KIF7: variants seen among roughly 807,000 people sequenced by gnomAD.
KIF7 encodes the protein kinesin family member 7, also known as kinesin-like protein KIF7.
In KIF7, 104 loss-of-function variants were observed where a neutral mutation model predicts 135.7. The observed-to-expected ratio is 0.77, with a 90% CI of 0.65 to 0.90. The LOEUF (loss-of-function observed/expected upper bound fraction) is 0.90, where lower values mean the gene tolerates loss of function less well. Ranked by LOEUF, KIF7 falls within the 40% of genes least tolerant of loss-of-function variation. The pLI, the probability that KIF7 is intolerant of heterozygous loss-of-function variation, is 0.00. For missense variants in KIF7, 2,005 were observed against 1,839.1 expected (o/e 1.09, Z -1.65); for synonymous variants, 883 against 809.4 (o/e 1.09, Z -1.54).
At chr15:89,624,928 C>G (rs368620985), downstream of KIF7, 25 of 1,614,010 alleles carry the variant, frequency 1.5e-5, no homozygotes, top group Non-Finnish European at 1.9e-5. Context: ...TTCGGCACAA[C>G]TAGACAACCT....
rs1448515385 is a variant in KIF7 at position 89,648,624 on chromosome 15, C to T, written c.1074G>A (p.Arg358=). 2 of 1,534,786 alleles carry T rather than the reference C, an allele frequency of 1.3e-6. No individual in the cohort carries two copies. The highest frequency in any genetic ancestry group is 2.7e-5 in the African/African-American group (2 of 72,928). Residue 358 remains arginine (R), a synonymous_variant, in exon 5 of 19, where the codon CGG becomes CGA. Transcript: ENST00000394412. ...CTTCGGGTGGCCGCTCGGCCTCGGG[C>T]CGCCAGTTGACCGTGGCGCGGTTGC... ...NIRNRATVNW[R]PEAERPPEET...
upstream of KIF7, among the ~76,000 whole-genome samples, chr15:89,657,835 T>A (rs1964223004): frequency 6.6e-6 from 1 of 152,234 alleles, no homozygotes; most frequent in Non-Finnish European, 1.5e-5. Context: ...CTGATTTTAC[T>A]ACTTACATGG....
chr15:89,661,179 C>T, the KIF7 span, among the ~76,000 whole-genome samples: 1 of 152,210 alleles, frequency 6.6e-6, no homozygotes, highest in East Asian at 1.9e-4. Context: ...CATTCTAATG[C>T]AAATGACTGA....
Position 89,628,749 on chromosome 15 carries a change from CTG to C in KIF7, c.3700_3701del (p.Gln1234GlyfsTer5). 6.2e-7 allele frequency: 1 copy of C among 1,612,632 alleles called. No individual in the cohort carries two copies. The highest frequency in any genetic ancestry group is 8.5e-7 in the Non-Finnish European group (1 of 1,179,980). On this transcript the variant is annotated frameshift_variant, in exon 19 of 19. Transcript: ENST00000394412. LOFTEE classifies it low-confidence loss of function (END_TRUNC). Reference sequence around the variant, plus strand: ...GGAGCTCATCTTCATTTCCAGGAGCCTGTCTGCCCTCCGAGCACAGGCTCCTC... The same window carrying C: ...GGAGCTCATCTTCATTTCCAGGAGCCTCTGCCCTCCGAGCACAGGCTCCTC... ...EKRSLCSEGR[Q>X]APGNEDELHL...
At chr15:89,624,367 C>G, downstream of KIF7, 1 of 1,614,036 alleles carries the variant, frequency 6.2e-7, no homozygotes, top group Non-Finnish European at 8.5e-7. Context: ...AGCTGCATCT[C>G]TCTCCTGCCC....
chr15:89,655,595 G>A (rs1423255787), upstream of KIF7: 6 of 152,142 alleles, frequency 3.9e-5, no homozygotes, highest in African/African-American at 1.2e-4. Flanking sequence ...CAGGGCGGGC[G>A]GGGCCCGTGC....
At chr15:89,649,632 G>T in intron 3 of KIF7, 109 bp downstream of exon 3, 1 of 1,263,632 alleles carries the variant, frequency 7.9e-7, no homozygotes, top group Non-Finnish European at 1.1e-6. Context: ...CCCAGGGCTT[G>T]GGTTTTCCAT....
intron 11 of KIF7, among the ~76,000 whole-genome samples, chr15:89,641,565 G>A (rs1328112313): frequency 6.6e-6 from 1 of 152,302 alleles, no homozygotes; most frequent in South Asian, 2.1e-4. Flanking sequence ...ACTTTGGTAG[G>A]CCCAGGTGGG....
rs149883801 is a variant in KIF7 at position 89,628,712 on chromosome 15, C to T, written c.3739G>A (p.Glu1247Lys). ...GTGAGGGGGGACAGCCAGAGAAGCTCGGGTGCCAGGTGGAGCTCATCTTCA... is the reference window on the plus strand; with the variant it reads ...GTGAGGGGGGACAGCCAGAGAAGCTTGGGTGCCAGGTGGAGCTCATCTTCA... ...GNEDELHLAPELLWLSPLTEG... is the reference protein window; with the variant it reads ...GNEDELHLAPKLLWLSPLTEG... Residue 1247 changes from glutamate to lysine, a missense_variant, in exon 19 of 19, where the codon GAG (glutamate) becomes AAG (lysine). Transcript: ENST00000394412. 3.0e-5 allele frequency: 49 copies of T among 1,612,870 alleles called. No homozygotes were observed. Among genetic ancestry groups the T allele is most frequent in the East Asian group, 6.7e-5 (3 of 44,846 alleles).
rs1964040377 is a variant in KIF7 at position 89,647,688 on chromosome 15, G to C, written c.1468C>G (p.Leu490Val). 6.3e-7 allele frequency: 1 copy of C among 1,590,854 alleles called. No individual in the cohort carries two copies. Among genetic ancestry groups the C allele is most frequent in the South Asian group, 1.1e-5 (1 of 88,140 alleles). The change falls in exon 6 of 19, where the codon CTG becomes GTG. Residue 490 changes from leucine to valine, a missense_variant. Physicochemically the swap from Leu to Val is conservative, Grantham distance 32. Transcript: ENST00000394412. ...RKEDEGAQQL[L>V]TLQNQVARLE... is the part of the protein sequence containing the mutation. Reference sequence around the variant, plus strand: ...CGCGCCACCTGGTTCTGCAGGGTCAGCAGCTGCTGCGCCCCCTCATCCTCC... The same window carrying C: ...CGCGCCACCTGGTTCTGCAGGGTCACCAGCTGCTGCGCCCCCTCATCCTCC...
intron 11 of KIF7, among the ~76,000 whole-genome samples, chr15:89,636,155 C>A (rs577757179): frequency 6.6e-6 from 1 of 152,026 alleles, no homozygotes; most frequent in Non-Finnish European, 1.5e-5. Flanking sequence ...CCCAGGCCTG[C>A]CCTAAAAGAG....
chr15:89,625,133 C>A, downstream of KIF7: 1 of 1,613,910 alleles, frequency 6.2e-7, no homozygotes, highest in Non-Finnish European at 8.5e-7. Flanking sequence ...CTCAGCATGC[C>A]CAGGGCCAGC....
At position 89,645,887 on chromosome 15, in the gene KIF7, A is replaced by G. The variant is rs1334043252; in HGVS notation, c.1922+6T>C. 1 of 1,612,680 alleles carries G rather than the reference A, an allele frequency of 6.2e-7. No individual in the cohort carries two copies. Among genetic ancestry groups the G allele is most frequent in the African/African-American group, 1.3e-5 (1 of 74,822 alleles). On this transcript the variant is annotated splice_donor_region_variant and intron_variant, in intron 8 of 18. Coordinates refer to ENST00000394412, the MANE Select transcript of KIF7 (RefSeq NM_198525.3). ...TTGTCAGGTGGGGGCAGTGGGTCCC[A>G]CTCACCTGCGCAGGTGTAAGGTCCG...
downstream of KIF7, chr15:89,625,750 C>G: frequency 1.2e-6 from 2 of 1,612,280 alleles, no homozygotes; most frequent in Non-Finnish European, 8.5e-7. Flanking sequence ...TGCATGGCAG[C>G]TACCCTCCAC....
chr15:89,644,379 TAAGTAAG>T (rs1200065806), intron 10 of KIF7, among the ~76,000 whole-genome samples: 1 of 151,978 alleles, frequency 6.6e-6, no homozygotes, highest in Non-Finnish European at 1.5e-5. Context: ...AGGCACTCGA[TAAGTAAG>T]AAGAAGTGCC....
downstream of KIF7, chr15:89,626,829 G>A (rs1428291524): frequency 1.4e-5 from 14 of 1,023,994 alleles, no homozygotes; most frequent in South Asian, 6.3e-5. Flanking sequence ...TAGGATAAGC[G>A]AACCTCCAAG....
Position 89,646,899 on chromosome 15 carries a change from G to A in KIF7, c.1719C>T (p.Ala573=), listed in dbSNP as rs549965313. 29 of 1,614,074 alleles carry A rather than the reference G, an allele frequency of 1.8e-5. No individual in the cohort carries two copies. The highest frequency in any genetic ancestry group is 6.7e-5 in the Admixed American group (4 of 60,014). Residue 573 remains alanine (A), a synonymous_variant, in exon 7 of 19, where the codon GCC becomes GCT. Transcript: ENST00000394412. ...PHTAPLGGAH[A]HVLGMVPPAC... Reference sequence around the variant, plus strand: ...CAGGCGGCACCATGCCCAGCACATGGGCGTGGGCACCCCCCAGGGGGGCTG... The same window carrying A: ...CAGGCGGCACCATGCCCAGCACATGAGCGTGGGCACCCCCCAGGGGGGCTG...
Position 89,645,093 on chromosome 15 carries a change from G to A in KIF7, c.2111C>T (p.Ala704Val). 2 of 1,602,180 alleles carry A rather than the reference G, an allele frequency of 1.2e-6. No homozygotes were observed. The highest frequency in any genetic ancestry group is 8.5e-7 in the Non-Finnish European group (1 of 1,179,756). ...CTCCCGGATCTTCTGCTGGGCCTGG[G>A]CCAGCCGCCACTCTGAGGCTGTGGC... ...PPATASEWRLAQAQQKIRELA... is the reference protein window; with the variant it reads ...PPATASEWRLVQAQQKIRELA... The change falls in exon 10 of 19, where the codon GCC becomes GTC. Residue 704 changes from alanine (A) to valine (V), a missense_variant. By Grantham distance (64) the Ala-to-Val change is moderately conservative. Coordinates refer to ENST00000394412, the MANE Select transcript of KIF7 (RefSeq NM_198525.3).
chr15:89,620,438 G>C (rs979966377), intron 1 of KIF7, among the ~76,000 whole-genome samples: 1 of 151,744 alleles, frequency 6.6e-6, no homozygotes, highest in Admixed American at 6.6e-5. Context: ...GAACTGCTGG[G>C]CTCAAGTGAT....
Sources: allele counts gnomAD v4.1 joint callset (sites outside exome capture counted in the v4.1 genomes callset), GRCh38; gene constraint gnomAD v4.1.1; transcripts MANE v1.5; gene names NCBI Gene and HGNC (gene_info 2026-07-23, HGNC 2026-07-21).